RTN4IP1: variants seen among roughly 807,000 people sequenced by gnomAD.
The protein encoded by RTN4IP1 is reticulon 4 interacting protein 1, also known as NAD(P)H oxidoreductase RTN4IP1, mitochondrial.
In RTN4IP1, 32 loss-of-function variants were observed where a neutral mutation model predicts 46.6. The ratio of observed to expected loss-of-function variants is 0.69; its 90% CI spans 0.52 to 0.92. RTN4IP1 has a LOEUF of 0.92. Among genes scored for constraint, RTN4IP1 ranks in the 40% least tolerant of loss-of-function variants. RTN4IP1 has a pLI of 0.00. For synonymous variants in RTN4IP1, 167 were observed against 161.8 expected (o/e 1.03, Z -0.24); for missense variants, 424 against 485.8 (o/e 0.87, Z 1.20).
intron 6 of RTN4IP1, among the ~76,000 whole-genome samples, chr6:106,590,218 G>T (rs1469432882): frequency 4.6e-5 from 7 of 152,126 alleles, no homozygotes; most frequent in Non-Finnish European, 1.0e-4. Context: ...TACTCAGGAG[G>T]CTGAGGCACA....
At chr6:106,614,625 GA>G (rs1776304478) in intron 4 of RTN4IP1, among the ~76,000 whole-genome samples, 1 of 152,254 alleles carries the variant, frequency 6.6e-6, no homozygotes, top group Non-Finnish European at 1.5e-5. Context: ...AACAAAAAAA[GA>G]AAACTTAAAA....
intron 8 of RTN4IP1, among the ~76,000 whole-genome samples, chr6:106,576,065 T>C (rs1775219721): frequency 6.6e-6 from 1 of 152,224 alleles, no homozygotes; most frequent in Admixed American, 6.5e-5. Context: ...GGTATGCCCC[T>C]GACCTCTGTG....
chr6:106,591,334 G>A (rs1283553119), intron 6 of RTN4IP1, among the ~76,000 whole-genome samples: 1 of 152,136 alleles, frequency 6.6e-6, no homozygotes, highest in African/African-American at 2.4e-5. Context: ...TGAGTTGGCT[G>A]GCTGCTGCTG....
chr6:106,605,424 CAAA>C (rs1343572337), intron 4 of RTN4IP1, among the ~76,000 whole-genome samples: 7 of 105,102 alleles, frequency 6.7e-5, no homozygotes, highest in Non-Finnish European at 1.0e-4. Flanking sequence ...GACCCTGTCT[CAAA>C]AAAAAAAAAA....
chr6:106,581,759 C>T (rs1280820778), intron 8 of RTN4IP1, among the ~76,000 whole-genome samples: 1 of 152,162 alleles, frequency 6.6e-6, no homozygotes, highest in East Asian at 1.9e-4. Context: ...AGTCACCTCT[C>T]ATCTCTGTTG....
chr6:106,619,189 C>A lies in RTN4IP1; in HGVS notation c.620+13G>T, dbSNP rs1036387834. ...AAAGAGGTTTAGATGCTGCCACTGA[C>A]TGATACACTTACCGTTTTCCTGTGC... On this transcript the variant is annotated intron_variant, in intron 4 of 8. Transcript: ENST00000369063. 1 of 1,613,888 alleles carries A rather than the reference C, an allele frequency of 6.2e-7. No individual in the cohort carries two copies. Among genetic ancestry groups the A allele is most frequent in the African/African-American group, 1.3e-5 (1 of 74,940 alleles).
intron 1 of RTN4IP1, among the ~76,000 whole-genome samples, chr6:106,625,904 C>T (rs376653908): frequency 6.6e-6 from 1 of 152,004 alleles, no homozygotes; most frequent in African/African-American, 2.4e-5. Flanking sequence ...GATCCACCTG[C>T]CTCGGCCTCC....
chr6:106,586,268 G>C (rs1199447335), intron 7 of RTN4IP1, among the ~76,000 whole-genome samples: 1 of 152,160 alleles, frequency 6.6e-6, no homozygotes, highest in Non-Finnish European at 1.5e-5. Flanking sequence ...ACAAACGTGG[G>C]TCAGCGTTGG....
chr6:106,606,783 T>C (rs1377847624), intron 4 of RTN4IP1, among the ~76,000 whole-genome samples: 1 of 152,118 alleles, frequency 6.6e-6, no homozygotes, highest in Non-Finnish European at 1.5e-5. Flanking sequence ...GGACATCCTA[T>C]GCTCATGGAT....
chr6:106,574,930 C>T (rs1297340161), intron 8 of RTN4IP1, among the ~76,000 whole-genome samples: 1 of 152,120 alleles, frequency 6.6e-6, no homozygotes, highest in African/African-American at 2.4e-5. Flanking sequence ...GGGCTGACCA[C>T]GGCACAATGA....
chr6:106,630,004 C>G (rs1776784190), upstream of RTN4IP1, among the ~76,000 whole-genome samples: 2 of 152,088 alleles, frequency 1.3e-5, no homozygotes, highest in African/African-American at 4.8e-5. Context: ...GTGGGCTTTG[C>G]CAAAGGGGGC....
chr6:106,583,756 C>T, intron 7 of RTN4IP1: 1 of 264,508 alleles, frequency 3.8e-6, no homozygotes, highest in Non-Finnish European at 7.4e-6. Context: ...AGGAATCGGG[C>T]TGAGACCTCT....
chr6:106,609,808 A>G (rs1776179552), intron 4 of RTN4IP1, among the ~76,000 whole-genome samples: 1 of 152,198 alleles, frequency 6.6e-6, no homozygotes, highest in Non-Finnish European at 1.5e-5. Context: ...CATTCCCTCA[A>G]ATAAAAAAGC....
chr6:106,609,454 A>T (rs113100943), intron 4 of RTN4IP1, among the ~76,000 whole-genome samples: 60 of 152,296 alleles, frequency 3.9e-4, no homozygotes, highest in African/African-American at 1.4e-3. Flanking sequence ...GCTTGAGCCC[A>T]GGAGTTTGAG....
chr6:106,608,651 T>C (rs58620450), intron 4 of RTN4IP1, among the ~76,000 whole-genome samples: 11,056 of 152,272 alleles, frequency 0.073, 592 homozygotes, highest in East Asian at 0.2. Context: ...ATAAATAATG[T>C]GTATAACTTT....
intron 8 of RTN4IP1, 30 bp downstream of exon 8, chr6:106,583,298 C>T: frequency 6.3e-7 from 1 of 1,576,124 alleles, no homozygotes; most frequent in Non-Finnish European, 8.7e-7. Context: ...AATACAAAGG[C>T]TTCCAATCCA....
intron 5 of RTN4IP1, among the ~76,000 whole-genome samples, chr6:106,597,691 CTTTTT>C (rs978214429): frequency 7.3e-6 from 1 of 136,130 alleles, no homozygotes; most frequent in African/African-American, 2.7e-5. Flanking sequence ...CATTTTGTTT[CTTTTT>C]TTTTTTTTTT....
chr6:106,622,858 T>C lies in RTN4IP1; in HGVS notation c.386A>G (p.Glu129Gly). 6.2e-7 allele frequency: 1 copy of C among 1,613,992 alleles called. No individual in the cohort carries two copies. Among genetic ancestry groups the C allele is most frequent in the Non-Finnish European group, 8.5e-7 (1 of 1,179,978 alleles). The stretch of plus-strand genomic sequence containing the variant: ...GAAGTATTTCACATCAAGCCCACAT[T>C]CCATCACCACGCCAGAGACATCCCG... ...LGRDVSGVVM[E>G]CGLDVKYFKP... Residue 129 changes from glutamate (E) to glycine (G), a missense_variant, in exon 2 of 9, where the codon GAA becomes GGA. Physicochemically the swap from Glu to Gly is moderately conservative, Grantham distance 98 (BLOSUM62 -2). Coordinates refer to ENST00000369063, the MANE Select transcript of RTN4IP1 (RefSeq NM_032730.5).
intron 8 of RTN4IP1, among the ~76,000 whole-genome samples, chr6:106,573,121 T>C (rs1161240081): frequency 6.6e-6 from 1 of 152,232 alleles, no homozygotes; most frequent in Non-Finnish European, 1.5e-5. Context: ...GCTGGGTCTT[T>C]TCACTGTACT....
Sources: gnomAD v4.1 joint callset for allele counts (sites outside exome capture counted in the v4.1 genomes callset) on GRCh38, gnomAD v4.1.1 for gene constraint, MANE v1.5 for transcripts, NCBI Gene and HGNC (gene_info 2026-07-23, HGNC 2026-07-21) for gene names.